The following NEURL1 variants were observed in gnomAD, a reference collection of about 807,000 sequenced individuals.
NEURL1 encodes the protein neuralized E3 ubiquitin protein ligase 1.
NEURL1 carries 26 observed loss-of-function variants against 41.2 expected under a neutral mutation model. The observed-to-expected ratio is 0.63, with a 90% CI of 0.46 to 0.87. The LOEUF (loss-of-function observed/expected upper bound fraction) is 0.87. Ranked by LOEUF, NEURL1 falls within the 40% of genes least tolerant of loss-of-function variation. The pLI is 0.00. For missense variants in NEURL1, 761 were observed against 871.1 expected, an observed-to-expected ratio of 0.87 and a Z score of 1.59; for synonymous variants, 400 against 402.3, an observed-to-expected ratio of 0.99 and a Z score of 0.07.
intron 1 of NEURL1, among the ~76,000 whole-genome samples, chr10:103,563,401 G>A (rs1484743476): frequency 6.6e-6 from 1 of 152,176 alleles, no homozygotes; most frequent in Non-Finnish European, 1.5e-5. Flanking sequence ...GCCTGGTCAG[G>A]GTTTGAACCC....
chr10:103,582,792 C>G (rs995448846), intron 3 of NEURL1, among the ~76,000 whole-genome samples: 3 of 152,160 alleles, frequency 2.0e-5, no homozygotes, highest in African/African-American at 7.2e-5. Context: ...GGAGAAGGCC[C>G]AAAGGAAGGG....
chr10:103,520,213 G>A (rs960722946), intron 1 of NEURL1, among the ~76,000 whole-genome samples: 4 of 152,198 alleles, frequency 2.6e-5, no homozygotes, highest in Non-Finnish European at 4.4e-5. Flanking sequence ...TCAGTGTCAC[G>A]TACGTCCGTG....
intron 1 of NEURL1, among the ~76,000 whole-genome samples, chr10:103,496,391 AT>A (rs945735105): frequency 5.8e-4 from 88 of 152,344 alleles, no homozygotes; most frequent in African/African-American, 2.1e-3. Flanking sequence ...TGAAGACTGT[AT>A]GATCCCAATT....
intron 3 of NEURL1, among the ~76,000 whole-genome samples, chr10:103,574,502 CTTTCCCATT>C (rs2035616736): frequency 6.6e-6 from 1 of 152,210 alleles, no homozygotes; most frequent in Non-Finnish European, 1.5e-5. Context: ...AAAGCAACAC[CTTTCCCATT>C]ACCCTCCAGC....
chr10:103,574,124 GGCAGAT>G (rs1253673158), intron 3 of NEURL1, among the ~76,000 whole-genome samples: 1 of 152,178 alleles, frequency 6.6e-6, no homozygotes, highest in Non-Finnish European at 1.5e-5. Context: ...CGAATGGGAG[GGCAGAT>G]GCGTTGTTAG....
At chr10:103,561,464 A>G (rs934709490) in intron 1 of NEURL1, among the ~76,000 whole-genome samples, 4 of 152,056 alleles carry the variant, frequency 2.6e-5, no homozygotes, top group African/African-American at 9.7e-5. Context: ...GGGTTTTATC[A>G]TGTTGGCCAG....
chr10:103,544,616 T>TA (rs776365748), intron 1 of NEURL1, among the ~76,000 whole-genome samples: 1 of 152,136 alleles, frequency 6.6e-6, no homozygotes, highest in Non-Finnish European at 1.5e-5. Flanking sequence ...TCATGGTTAG[T>TA]AAAAAAGGAC....
At position 103,554,507 on chromosome 10, in the gene NEURL1, TG is replaced by T. The variant is rs915544327; in HGVS notation, c.86-16358del. The stretch of plus-strand genomic sequence containing the variant: ...GCATGGTTAAAGGGATAGGTTGGTG[TG>T]GGGGGGAAAAGCCTGGATTCTGGTG... On this transcript the variant is annotated intron_variant, in intron 1 of 5. Coordinates refer to ENST00000369780, the MANE Select transcript of NEURL1 (RefSeq NM_004210.5). 7.2e-5 allele frequency among the ~76,000 whole-genome samples: 11 copies of T among 152,132 alleles called. No homozygotes were observed. In the East Asian group the frequency reaches 1.4e-3, roughly 19 times the overall value.
intron 1 of NEURL1, among the ~76,000 whole-genome samples, chr10:103,518,299 G>A (rs1433164683): frequency 6.6e-6 from 1 of 152,050 alleles, no homozygotes; most frequent in East Asian, 1.9e-4. Context: ...GGGCCTGTTT[G>A]CATTTAGAGT....
At chr10:103,519,394 T>C (rs932608027) in intron 1 of NEURL1, among the ~76,000 whole-genome samples, 4 of 152,254 alleles carry the variant, frequency 2.6e-5, no homozygotes, top group African/African-American at 9.6e-5. Context: ...AGATAATTGA[T>C]ACGTGATTGC....
intron 3 of NEURL1, among the ~76,000 whole-genome samples, chr10:103,583,879 G>T (rs74154551): frequency 0.013 from 1,944 of 151,436 alleles, 39 homozygotes; most frequent in African/African-American, 0.045. Context: ...ACAAAATACC[G>T]TTTTATATTT....
chr10:103,493,783 G>C lies in NEURL1; in HGVS notation c.-605G>C, dbSNP rs1302745080. Among the ~76,000 whole-genome samples, 1 of 151,942 alleles carries C rather than the reference G, an allele frequency of 6.6e-6. No individual in the cohort carries two copies. Among genetic ancestry groups the C allele is most frequent in the Non-Finnish European group, 1.5e-5 (1 of 67,934 alleles). On this transcript the variant is annotated 5_prime_UTR_variant, in exon 1 of 6. Coordinates refer to ENST00000369780, the MANE Select transcript of NEURL1 (RefSeq NM_004210.5). ...CTGGAGACTGCCGGGGCGGGGGGCG[G>C]GGGCGGCGGTCGCAGGAGGGACCCG... is the stretch of plus-strand genomic sequence containing the variant.
At chr10:103,555,434 G>T in intron 1 of NEURL1, 2 of 1,353,558 alleles carry the variant, frequency 1.5e-6, no homozygotes, top group Non-Finnish European at 9.8e-7. Flanking sequence ...GCGGATGCCT[G>T]CGGGCCCGCC....
At chr10:103,512,324 G>T (rs1044520981) in intron 1 of NEURL1, among the ~76,000 whole-genome samples, 2 of 152,204 alleles carry the variant, frequency 1.3e-5, no homozygotes, top group Admixed American at 6.5e-5. Context: ...TGGAGGAGAT[G>T]GAGCCACCTA....
Position 103,575,785 on chromosome 10 carries a change from A to G in NEURL1, c.649+3963A>G, listed in dbSNP as rs1296260116. 2.6e-5 allele frequency among the ~76,000 whole-genome samples: 4 copies of G among 152,212 alleles called. No individual in the cohort carries two copies. In the East Asian group the frequency reaches 7.7e-4, roughly 29 times the overall value. ...CGCCCTGGCCCAAGCCCAGGCTGGT[A>G]TCGTCAAGAATAACAGCTTCCTTCC... On this transcript the variant is annotated intron_variant, in intron 3 of 5. Transcript: ENST00000369780.
chr10:103,515,917 G>A (rs569701580), intron 1 of NEURL1, among the ~76,000 whole-genome samples: 4 of 152,230 alleles, frequency 2.6e-5, no homozygotes, highest in Admixed American at 1.3e-4. Flanking sequence ...GAAGGAACAC[G>A]TTTGAAACAT....
At chr10:103,507,185 T>C (rs1335021656) in intron 1 of NEURL1, among the ~76,000 whole-genome samples, 1 of 152,154 alleles carries the variant, frequency 6.6e-6, no homozygotes, top group Non-Finnish European at 1.5e-5. Flanking sequence ...AGGATGATGC[T>C]CTTAGGAGCT....
intron 3 of NEURL1, among the ~76,000 whole-genome samples, chr10:103,572,617 C>T (rs997243561): frequency 1.3e-5 from 2 of 152,206 alleles, no homozygotes; most frequent in Admixed American, 6.5e-5. Flanking sequence ...TCTCCGACTT[C>T]CTAGGGTCAC....
intron 1 of NEURL1, among the ~76,000 whole-genome samples, chr10:103,538,597 C>A (rs1427276255): frequency 6.6e-6 from 1 of 151,588 alleles, no homozygotes; most frequent in South Asian, 2.1e-4. Context: ...TTTTTTCCAA[C>A]CACCTGCTAC....
Sources: gnomAD v4.1 joint callset for allele counts (sites outside exome capture counted in the v4.1 genomes callset) on GRCh38, gnomAD v4.1.1 for gene constraint, MANE v1.5 for transcripts, NCBI Gene and HGNC (gene_info 2026-07-23, HGNC 2026-07-21) for gene names.